Variants in HMCN1 observed in about 807,000 individuals in gnomAD.
HMCN1 encodes hemicentin-1.
Under a neutral mutation model 625.9 loss-of-function variants are expected in HMCN1, and 321 were observed. The observed-to-expected ratio is 0.51, with a 90% CI of 0.47 to 0.56. HMCN1 has a LOEUF of 0.56. Among genes scored for constraint, HMCN1 ranks in the 20% least tolerant of loss-of-function variants. The pLI is 0.00. For missense variants in HMCN1, 6,588 were observed against 6,887.3 expected, an observed-to-expected ratio of 0.96 and a Z score of 1.54; for synonymous variants, 2,425 against 2,417.6, an observed-to-expected ratio of 1.00 and a Z score of -0.09.
intron 11 of HMCN1, among the ~76,000 whole-genome samples, chr1:185,946,560 A>G (rs573323526): frequency 1.3e-5 from 2 of 152,332 alleles, no homozygotes; most frequent in Non-Finnish European, 2.9e-5. Context: ...GGAAATTGTT[A>G]TAAATCAGAT....
intron 1 of HMCN1, among the ~76,000 whole-genome samples, chr1:185,781,526 C>G (rs1454695989): frequency 3.3e-5 from 5 of 152,130 alleles, no homozygotes; most frequent in Admixed American, 3.3e-4. Context: ...TAAATGTGTC[C>G]TGGCAATTCT....
chr1:185,759,779 C>T (rs1187600066), intron 1 of HMCN1, among the ~76,000 whole-genome samples: 3 of 151,904 alleles, frequency 2.0e-5, no homozygotes, highest in Non-Finnish European at 4.4e-5. Flanking sequence ...CTCTAACCTA[C>T]AATATCATCC....
chr1:186,001,808 A>G (rs1238612132), intron 28 of HMCN1, 67 bp downstream of exon 28: 5 of 1,288,266 alleles, frequency 3.9e-6, no homozygotes, highest in East Asian at 2.4e-5. Context: ...AGAGCTGACT[A>G]TATGAAAAAG....
chr1:185,794,490 A>G (rs1658226148), intron 1 of HMCN1, among the ~76,000 whole-genome samples: 1 of 151,706 alleles, frequency 6.6e-6, no homozygotes, highest in Non-Finnish European at 1.5e-5. Context: ...AAGAAAAAAA[A>G]GAAAAAAAAA....
At chr1:185,855,305 G>A (rs1408106246) in intron 2 of HMCN1, among the ~76,000 whole-genome samples, 2 of 152,192 alleles carry the variant, frequency 1.3e-5, no homozygotes, top group African/African-American at 4.8e-5. Context: ...AATCCTTGAA[G>A]AGGGTAAGAA....
chr1:186,127,414 G>T (rs1661702335), intron 82 of HMCN1, among the ~76,000 whole-genome samples: 1 of 152,040 alleles, frequency 6.6e-6, no homozygotes, highest in Non-Finnish European at 1.5e-5. Context: ...AGGAGCAGAG[G>T]TTGAGCCTTC....
At chr1:186,097,522 A>G (rs1660190619) in intron 68 of HMCN1, among the ~76,000 whole-genome samples, 1 of 152,078 alleles carries the variant, frequency 6.6e-6, no homozygotes, top group Non-Finnish European at 1.5e-5. Context: ...AAGATATGTA[A>G]GAATAAATTT....
intron 1 of HMCN1, among the ~76,000 whole-genome samples, chr1:185,797,520 TG>T (rs1163387765): frequency 1.3e-5 from 2 of 152,226 alleles, no homozygotes; most frequent in Admixed American, 6.5e-5. Context: ...TTGCCCAGGC[TG>T]GTCTTGAACT....
intron 6 of HMCN1, among the ~76,000 whole-genome samples, chr1:185,921,299 A>G (rs1018585348): frequency 2.6e-5 from 4 of 152,078 alleles, no homozygotes; most frequent in African/African-American, 9.7e-5. Flanking sequence ...TGAGTTCTTG[A>G]GATTCTGCTC....
At chr1:185,781,540 AT>A (rs1402084673) in intron 1 of HMCN1, among the ~76,000 whole-genome samples, 12 of 152,244 alleles carry the variant, frequency 7.9e-5, no homozygotes, top group East Asian at 3.9e-4. Context: ...CAATTCTGGT[AT>A]GTTGTGTCTT....
chr1:185,800,017 C>A (rs940934641), intron 1 of HMCN1, among the ~76,000 whole-genome samples: 2 of 152,172 alleles, frequency 1.3e-5, no homozygotes, highest in African/African-American at 4.8e-5. Context: ...GGTCAGAAGG[C>A]AGTTCTCAGG....
In HMCN1 at chr1:186,166,298, G is replaced by A; in HGVS notation, c.15434G>A (p.Cys5145Tyr). Residue 5145 changes from cysteine (C) to tyrosine (Y), a missense_variant, in exon 99 of 107, where the codon TGT becomes TAT. Physicochemically the swap from Cys to Tyr is radical, Grantham distance 194. Coordinates refer to ENST00000271588, the MANE Select transcript of HMCN1 (RefSeq NM_031935.3). ...GLTIAADGRTCQDIDECALGR... is the reference protein window; with the variant it reads ...GLTIAADGRTYQDIDECALGR... ...ACCATAGCTGCAGATGGAAGAACTT[G>A]TCAAGGTATTCACAAATCTAATACA... 6.2e-7 allele frequency: 1 copy of A among 1,614,116 alleles called. No individual in the cohort carries two copies. Among genetic ancestry groups the A allele is most frequent in the Non-Finnish European group, 8.5e-7 (1 of 1,179,992 alleles).
At chr1:185,775,964 GAAAA>G (rs1656576712) in intron 1 of HMCN1, among the ~76,000 whole-genome samples, 1 of 152,218 alleles carries the variant, frequency 6.6e-6, no homozygotes, top group Non-Finnish European at 1.5e-5. Flanking sequence ...AGGCTGTATA[GAAAA>G]GTGCTGTCTC....
intron 14 of HMCN1, among the ~76,000 whole-genome samples, chr1:185,967,528 A>G (rs543995496): frequency 1.3e-5 from 2 of 152,282 alleles, no homozygotes; most frequent in Admixed American, 1.3e-4. Context: ...TTCATCAATA[A>G]TAGGCAGAGC....
chr1:186,175,987 A>ATAGTT (rs918274057), intron 103 of HMCN1, among the ~76,000 whole-genome samples: 1 of 152,074 alleles, frequency 6.6e-6, no homozygotes, highest in African/African-American at 2.4e-5. Context: ...ACCTACTAAA[A>ATAGTT]TAGTTTTTAA....
At chr1:185,826,023 A>C (rs1187306469) in intron 1 of HMCN1, among the ~76,000 whole-genome samples, 1 of 152,214 alleles carries the variant, frequency 6.6e-6, no homozygotes. Flanking sequence ...GTTCAGAGTA[A>C]AGACAAATCT....
intron 97 of HMCN1, among the ~76,000 whole-genome samples, chr1:186,163,902 C>G (rs1651692481): frequency 6.6e-6 from 1 of 152,072 alleles, no homozygotes; most frequent in Admixed American, 6.5e-5. Flanking sequence ...AGATGATAGC[C>G]CCCCTATTTA....
intron 1 of HMCN1, 140 bp downstream of exon 1, chr1:185,735,187 T>A: frequency 1.0e-6 from 1 of 989,028 alleles, no homozygotes; most frequent in Non-Finnish European, 1.5e-6. Flanking sequence ...AACAAAGAAT[T>A]ACTTGCTGGC....
At position 185,922,390 on chromosome 1, in the gene HMCN1, T is replaced by C; in HGVS notation, c.912T>C (p.Ser304=). The C allele has an allele frequency of 6.2e-7, 1 of 1,613,524 alleles. No individual in the cohort carries two copies. The highest frequency in any genetic ancestry group is 1.1e-5 in the South Asian group (1 of 91,056). Residue 304 remains serine (S), a synonymous_variant, in exon 7 of 107, where the codon AGT becomes AGC. Transcript: ENST00000271588. ...AGMWTVKTSS[S]GRHSVRITGL... is the part of the protein sequence containing the mutation. ...TTAAACATTTTCAGACCTCAAGCAG[T>C]GGAAGGCACTCTGTTCGCATTACTG...
Sources: allele counts gnomAD v4.1 joint callset (sites outside exome capture counted in the v4.1 genomes callset), GRCh38; gene constraint gnomAD v4.1.1; transcripts MANE v1.5; gene names NCBI Gene and HGNC (gene_info 2026-07-23, HGNC 2026-07-21).